Variants in ELP4 observed in about 807,000 individuals in gnomAD.
ELP4 encodes the protein elongator acetyltransferase complex subunit 4, also known as elongator complex protein 4.
A neutral mutation model predicts 48.9 loss-of-function variants in ELP4; 51 were observed. The ratio of observed to expected loss-of-function variants is 1.04; its 90% CI spans 0.83 to 1.32. The LOEUF is 1.32. Among genes scored for constraint, ELP4 ranks in the 40% most tolerant of loss-of-function variants. The pLI, the probability that ELP4 is intolerant of heterozygous loss-of-function variation, is 0.00. For synonymous variants in ELP4, 210 were observed against 189.2 expected (o/e 1.11, Z -0.90); for missense variants, 519 against 514.6 (o/e 1.01, Z -0.08).
chr11:31,745,184 G>A (rs1035344260), intron 9 of ELP4, among the ~76,000 whole-genome samples: 1 of 152,048 alleles, frequency 6.6e-6, no homozygotes, highest in African/African-American at 2.4e-5. Context: ...AACTTACAAG[G>A]GATGTCAAGG....
At chr11:31,695,811 T>C (rs1233035059) in intron 9 of ELP4, among the ~76,000 whole-genome samples, 1 of 114,702 alleles carries the variant, frequency 8.7e-6, no homozygotes, top group African/African-American at 3.1e-5. Context: ...CTTTTTTTGG[T>C]TGGTAAGCTA....
chr11:31,669,053 C>A (rs1055066402), intron 9 of ELP4, among the ~76,000 whole-genome samples: 31 of 151,566 alleles, frequency 2.0e-4, no homozygotes, highest in African/African-American at 7.0e-4. Context: ...ATGGCCCATT[C>A]TTCTGTCACT....
chr11:31,537,666 G>A (rs1956523253), intron 2 of ELP4, among the ~76,000 whole-genome samples: 1 of 152,148 alleles, frequency 6.6e-6, no homozygotes, highest in Admixed American at 6.5e-5. Context: ...GGAAGAGAAA[G>A]AGTGGGGAGG....
At chr11:31,529,585 T>C (rs1956359736) in intron 2 of ELP4, among the ~76,000 whole-genome samples, 1 of 152,156 alleles carries the variant, frequency 6.6e-6, no homozygotes, top group Non-Finnish European at 1.5e-5. Context: ...TGCAAGCCCA[T>C]CAAATTAAAT....
At chr11:31,608,341 G>C (rs1277364786) in intron 5 of ELP4, among the ~76,000 whole-genome samples, 1 of 152,066 alleles carries the variant, frequency 6.6e-6, no homozygotes, top group African/African-American at 2.4e-5. Flanking sequence ...TGAGCAGTCA[G>C]ATTTTCTAAC....
intron 1 of ELP4, among the ~76,000 whole-genome samples, chr11:31,517,003 C>G (rs1361748839): frequency 6.6e-6 from 1 of 152,062 alleles, no homozygotes; most frequent in Admixed American, 6.6e-5. Context: ...TTATTTCCTT[C>G]CCTAAGAGTT....
chr11:31,726,451 A>G (rs946070708), intron 9 of ELP4, among the ~76,000 whole-genome samples: 17 of 152,198 alleles, frequency 1.1e-4, no homozygotes, highest in Non-Finnish European at 7.4e-5. Flanking sequence ...TATTGGGATC[A>G]TTTGTGATTT....
chr11:31,685,461 C>T (rs1189730509), intron 9 of ELP4, among the ~76,000 whole-genome samples: 9 of 151,896 alleles, frequency 5.9e-5, no homozygotes, highest in Non-Finnish European at 1.2e-4. Flanking sequence ...TTTCCAATTA[C>T]ATAGTTAATT....
intron 5 of ELP4, among the ~76,000 whole-genome samples, chr11:31,624,302 A>G (rs1241466076): frequency 2.0e-5 from 3 of 151,802 alleles, no homozygotes; most frequent in Non-Finnish European, 4.4e-5. Flanking sequence ...GGTACAGTCT[A>G]CATACCTAGG....
intron 3 of ELP4, among the ~76,000 whole-genome samples, chr11:31,565,246 T>G (rs1349711111): frequency 6.6e-6 from 1 of 152,234 alleles, no homozygotes; most frequent in Non-Finnish European, 1.5e-5. Flanking sequence ...TAAATTTGTT[T>G]GAGTTCTTTG....
At chr11:31,541,494 G>A (rs919228943) in intron 3 of ELP4, 2 of 152,056 alleles carry the variant, frequency 1.3e-5, no homozygotes, top group African/African-American at 4.8e-5. Flanking sequence ...AGCTACACAG[G>A]TTCTTCATGA....
At chr11:31,779,352 C>T (rs1197648184) in intron 9 of ELP4, among the ~76,000 whole-genome samples, 1 of 152,164 alleles carries the variant, frequency 6.6e-6, no homozygotes, top group African/African-American at 2.4e-5. Context: ...CCCCTTCTGT[C>T]TGGGAACTGT....
At chr11:31,575,942 A>C (rs1957268128) in intron 3 of ELP4, among the ~76,000 whole-genome samples, 1 of 152,208 alleles carries the variant, frequency 6.6e-6, no homozygotes, top group Admixed American at 6.5e-5. Flanking sequence ...ACATAACAAA[A>C]TTAACCTTAA....
At chr11:31,763,434 AC>A in intron 9 of ELP4, 1 of 1,608,726 alleles carries the variant, frequency 6.2e-7, no homozygotes, top group Non-Finnish European at 8.5e-7. Context: ...ACTACTTGAG[AC>A]AAGAGAGGAA....
intron 1 of ELP4, chr11:31,511,158 A>G (rs1269422188): frequency 1.3e-5 from 2 of 152,170 alleles, no homozygotes; most frequent in African/African-American, 2.4e-5. Context: ...TTTTTCACTT[A>G]ATTGTTTCAA....
At chr11:31,511,975 T>A (rs932509897) in intron 1 of ELP4, 3 of 152,236 alleles carry the variant, frequency 2.0e-5, no homozygotes, top group Admixed American at 6.5e-5. Context: ...ATGCAGTGAA[T>A]TCTCAAAGTG....
At chr11:31,572,233 T>G (rs191908325) in intron 3 of ELP4, among the ~76,000 whole-genome samples, 15 of 152,382 alleles carry the variant, frequency 9.8e-5, no homozygotes, top group Non-Finnish European at 1.6e-4. Flanking sequence ...TGCACTGTTA[T>G]GGAGAAGGCT....
intron 9 of ELP4, among the ~76,000 whole-genome samples, chr11:31,743,885 A>G (rs994185547): frequency 6.6e-6 from 1 of 151,828 alleles, no homozygotes; most frequent in East Asian, 1.9e-4. Flanking sequence ...AAGGCAAGAA[A>G]TAACTTAGAG....
intron 7 of ELP4, chr11:31,647,526 A>G (rs1370611202): frequency 5.3e-6 from 2 of 380,604 alleles, no homozygotes; most frequent in Non-Finnish European, 9.4e-6. Flanking sequence ...TCAGTTCTTC[A>G]AATTAGAATA....
Sources: allele counts gnomAD v4.1 joint callset (sites outside exome capture counted in the v4.1 genomes callset), GRCh38; gene constraint gnomAD v4.1.1; transcripts MANE v1.5; gene names NCBI Gene and HGNC (gene_info 2026-07-23, HGNC 2026-07-21).